The following WWTR1 variants were observed in gnomAD, a reference collection of about 807,000 sequenced individuals.
WWTR1 encodes the protein WW domain-containing transcription regulator protein 1.
A neutral mutation model predicts 40.1 loss-of-function variants in WWTR1; 13 were observed. The observed-to-expected ratio is 0.32, with a 90% CI of 0.21 to 0.52. The LOEUF is 0.52. Among genes scored for constraint, WWTR1 ranks in the 20% least tolerant of loss-of-function variants. WWTR1 has a pLI of 0.97. For missense variants in WWTR1, 436 were observed against 523.1 expected (o/e 0.83, Z 1.63); for synonymous variants, 230 against 210.1 (o/e 1.09, Z -0.82).
At chr3:149,587,569 T>G (rs978320138) in intron 2 of WWTR1, among the ~76,000 whole-genome samples, 3 of 152,180 alleles carry the variant, frequency 2.0e-5, no homozygotes, top group Non-Finnish European at 4.4e-5. Context: ...TGCCTTGTAT[T>G]TAATTGACAG....
intron 3 of WWTR1, among the ~76,000 whole-genome samples, 194 bp downstream of exon 3, chr3:149,572,670 T>C (rs1230341852): frequency 6.6e-6 from 1 of 151,910 alleles, no homozygotes; most frequent in Non-Finnish European, 1.5e-5. Flanking sequence ...GAACACCATT[T>C]CTTCAGCTTG....
chr3:149,611,181 A>G (rs73155020), intron 2 of WWTR1, among the ~76,000 whole-genome samples: 8,411 of 152,164 alleles, frequency 0.055, 343 homozygotes, highest in Non-Finnish European at 0.081. Flanking sequence ...AAGTTTTTAA[A>G]AACTTTTTTT....
At chr3:149,611,715 C>T (rs1015535781) in intron 2 of WWTR1, among the ~76,000 whole-genome samples, 8 of 152,156 alleles carry the variant, frequency 5.3e-5, no homozygotes, top group African/African-American at 1.4e-4. Context: ...GGCAAAGTGG[C>T]TAATGATACC....
intron 2 of WWTR1, among the ~76,000 whole-genome samples, chr3:149,579,990 A>G (rs1209271912): frequency 3.3e-5 from 5 of 152,218 alleles, no homozygotes; most frequent in African/African-American, 1.2e-4. Flanking sequence ...AACAAATGCT[A>G]TGCCAATTTT....
intron 2 of WWTR1, among the ~76,000 whole-genome samples, chr3:149,666,639 C>T (rs1166955375): frequency 6.6e-6 from 1 of 152,192 alleles, no homozygotes; most frequent in African/African-American, 2.4e-5. Context: ...ACACGAATCT[C>T]ATAGTAACCC....
At chr3:149,635,509 G>A (rs1711770103) in intron 2 of WWTR1, among the ~76,000 whole-genome samples, 1 of 151,148 alleles carries the variant, frequency 6.6e-6, no homozygotes, top group African/African-American at 2.4e-5. Context: ...AGAAGAAGAA[G>A]AAGAAGGAGG....
intron 1 of WWTR1, among the ~76,000 whole-genome samples, chr3:149,679,970 TA>T (rs1173556846): frequency 3.3e-5 from 5 of 152,150 alleles, no homozygotes; most frequent in Admixed American, 2.6e-4. Flanking sequence ...GACATCATGG[TA>T]AATCTCTGCT....
At chr3:149,703,148 T>A (rs1029506594) in exon 1 of WWTR1, 1 of 152,298 alleles carries the variant, frequency 6.6e-6, no homozygotes, top group African/African-American at 2.4e-5. Flanking sequence ...AATGTACATG[T>A]CTTCTCATTA....
chr3:149,647,831 T>C (rs1270965724), intron 2 of WWTR1, among the ~76,000 whole-genome samples: 1 of 152,206 alleles, frequency 6.6e-6, no homozygotes, highest in Non-Finnish European at 1.5e-5. Flanking sequence ...AAGCTAGGAC[T>C]CGTGTATCTC....
chr3:149,591,896 G>GA (rs34669300), intron 2 of WWTR1, among the ~76,000 whole-genome samples: 36 of 152,256 alleles, frequency 2.4e-4, no homozygotes, highest in African/African-American at 8.4e-4. Flanking sequence ...GCGGGAGGGG[G>GA]TAGGAGAAAG....
At chr3:149,587,102 T>TC (rs1294371292) in intron 2 of WWTR1, among the ~76,000 whole-genome samples, 1 of 152,136 alleles carries the variant, frequency 6.6e-6, no homozygotes, top group Non-Finnish European at 1.5e-5. Flanking sequence ...GAAGCACAGG[T>TC]CACCACCTGT....
rs113317966 is a variant in WWTR1, at chr3:149,634,871, G to A, written c.431+22005C>T. On this transcript the variant is annotated intron_variant, in intron 2 of 6. Transcript: ENST00000360632. The stretch of plus-strand genomic sequence containing the variant: ...TAGCTCACCCTCCAGACCCGGCCAC[G>A]GTATATCCTCACCATGTCTGTCCCC... Among the ~76,000 whole-genome samples, 432 of 152,274 alleles carry A rather than the reference G, an allele frequency of 2.8e-3. 1 individual carries two copies. Among genetic ancestry groups the A allele is most frequent in the Middle Eastern group, 6.8e-3 (2 of 294 alleles).
At chr3:149,580,343 C>A (rs556235585) in intron 2 of WWTR1, among the ~76,000 whole-genome samples, 1 of 152,206 alleles carries the variant, frequency 6.6e-6, no homozygotes, top group Non-Finnish European at 1.5e-5. Context: ...CTTACTAATT[C>A]TCCCAGGCCC....
chr3:149,627,195 T>C (rs564080062), intron 2 of WWTR1, among the ~76,000 whole-genome samples: 23 of 152,326 alleles, frequency 1.5e-4, no homozygotes, highest in African/African-American at 5.3e-4. Flanking sequence ...GAAATTCAAA[T>C]TTAACTGAAT....
intron 4 of WWTR1, chr3:149,723,948 C>T (rs548324659): frequency 1.3e-5 from 2 of 152,336 alleles, no homozygotes; most frequent in East Asian, 3.9e-4. Flanking sequence ...GCACAGCTGC[C>T]TGACATGTGG....
At chr3:149,599,637 C>G (rs978030247) in intron 2 of WWTR1, among the ~76,000 whole-genome samples, 3 of 152,216 alleles carry the variant, frequency 2.0e-5, no homozygotes, top group Non-Finnish European at 4.4e-5. Flanking sequence ...AAGACTTAAT[C>G]AAGTGAAGAA....
chr3:149,599,539 A>G (rs879621741), intron 2 of WWTR1, among the ~76,000 whole-genome samples: 3 of 152,248 alleles, frequency 2.0e-5, no homozygotes, highest in Non-Finnish European at 4.4e-5. Context: ...GCTGTTGCCA[A>G]CTGACCTTGA....
chr3:149,539,307 C>T (rs1248328824), intron 4 of WWTR1, among the ~76,000 whole-genome samples: 1 of 152,184 alleles, frequency 6.6e-6, no homozygotes, highest in Non-Finnish European at 1.5e-5. Flanking sequence ...AAACTATAGA[C>T]AGCGTGATAA....
intron 1 of WWTR1, among the ~76,000 whole-genome samples, chr3:149,688,632 A>G (rs1285006055): frequency 1.3e-5 from 2 of 152,200 alleles, no homozygotes; most frequent in Non-Finnish European, 2.9e-5. Flanking sequence ...CACAACACTC[A>G]ATTTCCTTTG....
Sources: allele counts gnomAD v4.1 joint callset (sites outside exome capture counted in the v4.1 genomes callset), GRCh38; gene constraint gnomAD v4.1.1; transcripts MANE v1.5; gene names NCBI Gene and HGNC (gene_info 2026-07-23, HGNC 2026-07-21).